KIAA0825: variants seen among roughly 807,000 people sequenced by gnomAD.
KIAA0825 encodes the protein KIAA0825, also known as uncharacterized protein KIAA0825.
In KIAA0825, 119 loss-of-function variants were observed where a neutral mutation model predicts 147.6. The ratio of observed to expected loss-of-function variants is 0.81; its 90% CI spans 0.69 to 0.94. The LOEUF is 0.94. Ranked by LOEUF, KIAA0825 falls within the 40% of genes least tolerant of loss-of-function variation. KIAA0825 has a pLI of 0.00. For synonymous variants in KIAA0825, 470 were observed against 518.1 expected (o/e 0.91, Z 1.26); for missense variants, 1,381 against 1,472.7 (o/e 0.94, Z 1.02).
chr5:94,585,069 C>T (rs944332133), intron 1 of KIAA0825, among the ~76,000 whole-genome samples: 4 of 152,114 alleles, frequency 2.6e-5, no homozygotes, highest in African/African-American at 9.7e-5. Flanking sequence ...ACAACTAGTA[C>T]CAGCCACTGC....
intron 4 of KIAA0825, among the ~76,000 whole-genome samples, chr5:94,521,329 C>A (rs1338698022): frequency 6.6e-6 from 1 of 151,728 alleles, no homozygotes; most frequent in East Asian, 1.9e-4. Context: ...AGACAATTTT[C>A]ATGCTTGAAT....
chr5:94,227,436 T>C (rs1254330598), intron 20 of KIAA0825, among the ~76,000 whole-genome samples: 2 of 151,888 alleles, frequency 1.3e-5, no homozygotes, highest in African/African-American at 2.4e-5. Flanking sequence ...TTAGGAGATA[T>C]ACTTAATGCT....
intron 6 of KIAA0825, among the ~76,000 whole-genome samples, chr5:94,484,029 A>G (rs1228973967): frequency 6.6e-6 from 1 of 151,622 alleles, no homozygotes; most frequent in African/African-American, 2.4e-5. Context: ...GAAAATTTTT[A>G]TAAATATAGA....
chr5:94,159,209 C>G (rs1440424639), intron 20 of KIAA0825, among the ~76,000 whole-genome samples: 3 of 152,024 alleles, frequency 2.0e-5, no homozygotes, highest in Admixed American at 6.6e-5. Context: ...ATAATAAAAC[C>G]TCTCCCAGAT....
chr5:94,421,621 C>G (rs1379471829), intron 14 of KIAA0825, among the ~76,000 whole-genome samples: 1 of 152,112 alleles, frequency 6.6e-6, no homozygotes, highest in Non-Finnish European at 1.5e-5. Flanking sequence ...CCCAATGTGT[C>G]CCTTCTTCTT....
rs1766641349 is a variant in KIAA0825 at position 94,152,854 on chromosome 5, A to T, written c.*1153T>A. On this transcript the variant is annotated 3_prime_UTR_variant, in exon 21 of 21. Coordinates refer to ENST00000682413, the MANE Select transcript of KIAA0825 (RefSeq NM_001145678.3). ...AAAAAAAAAAAAAAAAAAAAAAAAA[A>T]ATTATATATATATATATATATATAT... The T allele has an allele frequency of 1.1e-3, 11 of 10,112 alleles. 1 individual carries two copies. Among genetic ancestry groups the T allele is most frequent in the Non-Finnish European group, 2.1e-3 (11 of 5,178 alleles). 0.6% of individuals were successfully genotyped at this position (10,112 alleles called of 1,614,324 possible).
intron 20 of KIAA0825, among the ~76,000 whole-genome samples, chr5:94,295,226 G>C (rs1778082482): frequency 6.6e-6 from 1 of 151,686 alleles, no homozygotes; most frequent in East Asian, 1.9e-4. Context: ...ACTGATACTT[G>C]TGTATGCTTC....
intron 4 of KIAA0825, among the ~76,000 whole-genome samples, chr5:94,521,432 C>T (rs1768181131): frequency 6.6e-6 from 1 of 151,494 alleles, no homozygotes. Flanking sequence ...TAGTATGTGC[C>T]TGGGGGTTAC....
chr5:94,442,194 A>G (rs565399951), intron 13 of KIAA0825, among the ~76,000 whole-genome samples: 4 of 152,028 alleles, frequency 2.6e-5, no homozygotes, highest in African/African-American at 9.7e-5. Context: ...ACAAAATGAA[A>G]AAGTCTCGAA....
At chr5:94,590,302 GT>G (rs1295996822) in intron 1 of KIAA0825, among the ~76,000 whole-genome samples, 2 of 152,038 alleles carry the variant, frequency 1.3e-5, no homozygotes, top group African/African-American at 4.8e-5. Flanking sequence ...GCCTCCAATG[GT>G]TTCTTATACC....
intron 20 of KIAA0825, among the ~76,000 whole-genome samples, chr5:94,272,810 C>T (rs1242544366): frequency 1.3e-5 from 2 of 152,122 alleles, no homozygotes; most frequent in African/African-American, 4.8e-5. Context: ...GGGCATGTTC[C>T]CATTTCTGAA....
chr5:94,309,807 T>C (rs1027507825), intron 20 of KIAA0825, among the ~76,000 whole-genome samples: 4 of 151,670 alleles, frequency 2.6e-5, no homozygotes, highest in African/African-American at 9.7e-5. Flanking sequence ...GGAGAGTGCA[T>C]GAAACCTCAC....
intron 20 of KIAA0825, among the ~76,000 whole-genome samples, chr5:94,334,695 G>C (rs1383715914): frequency 1.3e-5 from 2 of 152,088 alleles, no homozygotes; most frequent in African/African-American, 2.4e-5. Context: ...TGTTGGCCCG[G>C]TTGGTATTGA....
At chr5:94,428,701 C>A (rs1755241746) in intron 14 of KIAA0825, among the ~76,000 whole-genome samples, 1 of 152,072 alleles carries the variant, frequency 6.6e-6, no homozygotes, top group South Asian at 2.1e-4. Flanking sequence ...TAGCCTTGAT[C>A]TTGGATAGTC....
intron 15 of KIAA0825, among the ~76,000 whole-genome samples, chr5:94,412,093 A>G (rs1472480887): frequency 6.6e-6 from 1 of 152,226 alleles, no homozygotes; most frequent in Non-Finnish European, 1.5e-5. Context: ...TATGTGCAAT[A>G]TATATAAAGA....
chr5:94,593,657 T>C (rs961623887), intron 1 of KIAA0825: 30 of 427,196 alleles, frequency 7.0e-5, no homozygotes, highest in African/African-American at 4.2e-4. Flanking sequence ...ATGGAAGATA[T>C]AGAAAGCAGA....
intron 14 of KIAA0825, among the ~76,000 whole-genome samples, chr5:94,436,399 T>G (rs1450398396): frequency 6.6e-6 from 1 of 152,146 alleles, no homozygotes; most frequent in Admixed American, 6.5e-5. Context: ...CTCCATTGCT[T>G]TTGTCAGATT....
intron 20 of KIAA0825, among the ~76,000 whole-genome samples, chr5:94,188,289 G>A (rs1770344016): frequency 6.6e-6 from 1 of 152,210 alleles, no homozygotes; most frequent in Non-Finnish European, 1.5e-5. Context: ...TTTATAAAGT[G>A]TTGATACTTT....
rs565393918 is a variant in KIAA0825 at position 94,450,668 on chromosome 5, C to A, written c.2357+2291G>T. Among the ~76,000 whole-genome samples, 11 of 152,102 alleles carry A rather than the reference C, an allele frequency of 7.2e-5. No individual in the cohort carries two copies. The South Asian group carries it at 2.3e-3, about 32-fold the overall frequency. ...GATATAAATAACTTCCATTAGACCC[C>A]ACCACCCAACACAGTTGCATTGGGG... On this transcript the variant is annotated intron_variant, in intron 13 of 20. Coordinates refer to ENST00000682413, the MANE Select transcript of KIAA0825 (RefSeq NM_001145678.3).
Sources: gnomAD v4.1 joint callset for allele counts (sites outside exome capture counted in the v4.1 genomes callset) on GRCh38, gnomAD v4.1.1 for gene constraint, MANE v1.5 for transcripts, NCBI Gene and HGNC (gene_info 2026-07-23, HGNC 2026-07-21) for gene names.